The following PRKAB2 variants were observed in gnomAD, a reference collection of about 807,000 sequenced individuals.
PRKAB2 encodes the protein 5'-AMP-activated protein kinase subunit beta-2.
PRKAB2 carries 18 observed loss-of-function variants against 29.8 expected under a neutral mutation model. The observed-to-expected ratio is 0.60, with a 90% CI of 0.42 to 0.89. The LOEUF is 0.89. Ranked by LOEUF, PRKAB2 falls within the 40% of genes least tolerant of loss-of-function variation. The pLI is 0.00. For missense variants in PRKAB2, 270 were observed against 344.3 expected (o/e 0.78, Z 1.71); for synonymous variants, 136 against 125.9 (o/e 1.08, Z -0.54).
At chr1:147,159,777 T>A (rs587769975) in intron 7 of PRKAB2, 135 bp from the exon 8 acceptor site, 47 of 741,386 alleles carry the variant, frequency 6.3e-5, no homozygotes, top group South Asian at 6.3e-4. Context: ...CAAATAAGTT[T>A]TAGTTCCAAT....
At position 147,167,883 on chromosome 1, in the gene PRKAB2, G is replaced by A. The variant is rs1394789497; in HGVS notation, c.207C>T (p.Ser69=). The A allele has an allele frequency of 2.4e-5, 39 of 1,613,950 alleles. No homozygotes were observed. The highest frequency in any genetic ancestry group is 3.3e-5 in the Non-Finnish European group (39 of 1,180,004). ...GCCGGGCCTGCTGTGTGGGCTTTAC[G>A]GAGTCCTCCAAATCCTGCTGCCATG... ...FVSWQQDLED[S]VKPTQQARPT... is the part of the protein sequence containing the mutation. The change falls in exon 3 of 8, where the codon TCC becomes TCT. Residue 69 remains serine (S), a synonymous_variant. Coordinates refer to ENST00000254101, the MANE Select transcript of PRKAB2 (RefSeq NM_005399.5).
rs1161924235 is a variant in PRKAB2 at position 147,166,683 on chromosome 1, T to TC, written c.418-66dup. The TC allele has an allele frequency of 4.4e-6, 7 of 1,590,180 alleles. No individual in the cohort carries two copies. The Admixed American group carries it at 8.9e-5, about 20-fold the overall frequency. On this transcript the variant is annotated intron_variant, in intron 4 of 7. Transcript: ENST00000254101. Reference sequence around the variant, plus strand: ...CAAATCCATCTCTTCCATCCAACCTTCCTCTTTTACTAAAATTTACACGAT... The same window carrying TC: ...CAAATCCATCTCTTCCATCCAACCTTCCCTCTTTTACTAAAATTTACACGAT...
At chr1:147,162,822 C>G (rs1654038295) in intron 5 of PRKAB2, among the ~76,000 whole-genome samples, 1 of 152,082 alleles carries the variant, frequency 6.6e-6, no homozygotes, top group Admixed American at 6.6e-5. Context: ...ACTCAAAGAC[C>G]CAGGCTCAGG....
At chr1:147,162,695 G>T in intron 5 of PRKAB2, 122 bp from the exon 6 acceptor site, 1 of 1,039,226 alleles carries the variant, frequency 9.6e-7, no homozygotes, top group East Asian at 2.8e-5. Context: ...ACAAACTTGT[G>T]ACCTGTGGGA....
At chr1:147,159,787 T>C in intron 7 of PRKAB2, 145 bp from the exon 8 acceptor site, 1 of 694,642 alleles carries the variant, frequency 1.4e-6, no homozygotes, top group Non-Finnish European at 2.5e-6. Context: ...TTAGTTCCAA[T>C]TCTGACTCCT....
chr1:147,157,638 T>G lies in PRKAB2; in HGVS notation c.*1927A>C, dbSNP rs1247439770. Reference sequence around the variant, plus strand: ...ATGTAATAACCAAGATTTTGAATCTTCCTAAGTGGCCCACTTATTTAATGA... The same window carrying G: ...ATGTAATAACCAAGATTTTGAATCTGCCTAAGTGGCCCACTTATTTAATGA... On this transcript the variant is annotated 3_prime_UTR_variant, in exon 8 of 8. Transcript: ENST00000254101. 4 of 152,156 alleles carry G rather than the reference T, an allele frequency of 2.6e-5. No homozygotes were observed. Among genetic ancestry groups the G allele is most frequent in the Non-Finnish European group, 4.4e-5 (3 of 68,012 alleles). 9.4% of individuals were successfully genotyped at this position (152,156 alleles called of 1,614,324 possible).
chr1:147,159,597 ACTT>A lies in PRKAB2; in HGVS notation c.784_786del (p.Lys262del), dbSNP rs782767026. On this transcript the variant is annotated inframe_deletion, in exon 8 of 8. Transcript: ENST00000254101. ...GGCTTGTATAGCAGAGTAGTAACAT[ACTT>A]CTTCTTGTAGCGATGGGTTGCGCTA... is the stretch of plus-strand genomic sequence containing the variant. 11 of 1,613,420 alleles carry A rather than the reference ACTT, an allele frequency of 6.8e-6. No individual in the cohort carries two copies. Among genetic ancestry groups the A allele is most frequent in the South Asian group, 3.3e-5 (3 of 91,042 alleles).
At chr1:147,163,743 A>T (rs1463798659) in intron 5 of PRKAB2, among the ~76,000 whole-genome samples, 1 of 152,094 alleles carries the variant, frequency 6.6e-6, no homozygotes, top group Non-Finnish European at 1.5e-5. Context: ...TGCGGGTGAT[A>T]AAAATGCTCT....
At chr1:147,161,370 A>G (rs1228004718) in intron 7 of PRKAB2, among the ~76,000 whole-genome samples, 8 of 131,806 alleles carry the variant, frequency 6.1e-5, no homozygotes, top group Non-Finnish European at 1.3e-4. Context: ...ACATTCAAGC[A>G]TTCTTTGAAC....
intron 7 of PRKAB2, 96 bp from the exon 8 acceptor site, chr1:147,159,738 A>G: frequency 1.8e-6 from 2 of 1,092,918 alleles, no homozygotes; most frequent in Non-Finnish European, 2.7e-6. Flanking sequence ...CACTTTTAAC[A>G]GAGATAGTTT....
rs1653628343 is a variant in PRKAB2, at chr1:147,155,493, C to G, written c.*4072G>C. 1 of 152,510 alleles carries G rather than the reference C, an allele frequency of 6.6e-6. No individual in the cohort carries two copies. Among genetic ancestry groups the G allele is most frequent in the Non-Finnish European group, 1.5e-5 (1 of 68,020 alleles). 9.4% of individuals were successfully genotyped at this position (152,510 alleles called of 1,614,324 possible). A position where few individuals can be genotyped will look rare whatever the true frequency, so the allele number is the denominator to read the frequency against. ...GACCCGTGTAGTGATTAGGACTAACCAACAACAGTGAGCTTTGGCTGTCCT... is the reference window on the plus strand; with the variant it reads ...GACCCGTGTAGTGATTAGGACTAACGAACAACAGTGAGCTTTGGCTGTCCT... On this transcript the variant is annotated 3_prime_UTR_variant, in exon 8 of 8. Coordinates refer to ENST00000254101, the MANE Select transcript of PRKAB2 (RefSeq NM_005399.5).
intron 2 of PRKAB2, among the ~76,000 whole-genome samples, chr1:147,170,884 G>T (rs1476561278): frequency 2.0e-5 from 3 of 152,174 alleles, no homozygotes; most frequent in Non-Finnish European, 4.4e-5. Context: ...GCCAGGCTGT[G>T]ATGATGTTAT....
intron 7 of PRKAB2, among the ~76,000 whole-genome samples, chr1:147,161,480 C>T (rs56053798): frequency 0.051 from 7,773 of 152,098 alleles, 348 homozygotes; most frequent in African/African-American, 0.11. Flanking sequence ...CAAAAAATAA[C>T]TGGGCAGCAA....
chr1:147,165,144 G>A (rs1553913523), intron 5 of PRKAB2, among the ~76,000 whole-genome samples: 1 of 152,152 alleles, frequency 6.6e-6, no homozygotes, highest in African/African-American at 2.4e-5. Flanking sequence ...TCCTGCCTCA[G>A]CCTCCCGAGT....
intron 5 of PRKAB2, among the ~76,000 whole-genome samples, chr1:147,165,435 C>T (rs1654192509): frequency 1.3e-5 from 2 of 152,164 alleles, no homozygotes; most frequent in Admixed American, 1.3e-4. Flanking sequence ...GTTTAAGTCC[C>T]TGGTTTTACT....
chr1:147,159,664 G>A (rs781872377), intron 7 of PRKAB2, 22 bp from the exon 8 acceptor site: 34 of 1,606,058 alleles, frequency 2.1e-5, no homozygotes, highest in Middle Eastern at 1.7e-4. Flanking sequence ...AGAAACATAC[G>A]CAGCTAATTC....
intron 7 of PRKAB2, 79 bp from the exon 8 acceptor site, chr1:147,159,721 A>G (rs1653861099): frequency 4.8e-6 from 6 of 1,261,952 alleles, no homozygotes; most frequent in Non-Finnish European, 6.9e-6. Flanking sequence ...AGTCCTTCAC[A>G]GTCACTCACT....
intron 7 of PRKAB2, among the ~76,000 whole-genome samples, chr1:147,160,451 A>C (rs1369620019): frequency 5.9e-5 from 9 of 152,288 alleles, no homozygotes; most frequent in African/African-American, 1.7e-4. Context: ...TAGGCAAATT[A>C]AATGACATCC....
rs1476859863 is a variant in PRKAB2 at position 147,158,110 on chromosome 1, T to G, written c.*1455A>C. The stretch of plus-strand genomic sequence containing the variant: ...TTTAGTGTTGATTATTTGACTTATC[T>G]GCAAAATGGAAGAGCCCCAGCTACT... On this transcript the variant is annotated 3_prime_UTR_variant, in exon 8 of 8. Coordinates refer to ENST00000254101, the MANE Select transcript of PRKAB2 (RefSeq NM_005399.5). The G allele has an allele frequency of 6.6e-6, 1 of 152,132 alleles. No individual in the cohort carries two copies. Among genetic ancestry groups the G allele is most frequent in the Non-Finnish European group, 1.5e-5 (1 of 68,018 alleles). 9.4% of individuals were successfully genotyped at this position (152,132 alleles called of 1,614,324 possible).
Sources: gnomAD v4.1 joint callset for allele counts (sites outside exome capture counted in the v4.1 genomes callset) on GRCh38, gnomAD v4.1.1 for gene constraint, MANE v1.5 for transcripts, NCBI Gene and HGNC (gene_info 2026-07-23, HGNC 2026-07-21) for gene names.